CSMD1: variants seen among roughly 807,000 people sequenced by gnomAD.
CSMD1 encodes the protein CUB and Sushi multiple domains 1.
CSMD1 carries 213 observed loss-of-function variants against 417.5 expected under a neutral mutation model. The ratio of observed to expected loss-of-function variants is 0.51; its 90% CI spans 0.46 to 0.57. The LOEUF is 0.57. Among genes scored for constraint, CSMD1 ranks in the 20% least tolerant of loss-of-function variants. The pLI is 0.00. For synonymous variants in CSMD1, 2,862 were observed against 1,736.8 expected (o/e 1.65, Z -16.11); for missense variants, 6,923 against 4,529.7 (o/e 1.53, Z -15.17).
At chr8:3,800,683 G>C (rs763801378) in intron 5 of CSMD1, among the ~76,000 whole-genome samples, 2 of 152,170 alleles carry the variant, frequency 1.3e-5, no homozygotes, top group Non-Finnish European at 2.9e-5. Flanking sequence ...ATTCTCGTGG[G>C]AGTGAGTGAG....
At chr8:3,052,059 A>C (rs966156219) in intron 50 of CSMD1, among the ~76,000 whole-genome samples, 5 of 152,184 alleles carry the variant, frequency 3.3e-5, no homozygotes, top group Non-Finnish European at 4.4e-5. Flanking sequence ...GACTTCAAAG[A>C]ACTTAAAATT....
intron 5 of CSMD1, among the ~76,000 whole-genome samples, chr8:3,965,575 C>T (rs188246250): frequency 9.2e-5 from 14 of 151,978 alleles, no homozygotes; most frequent in African/African-American, 3.4e-4. Flanking sequence ...AATTCCAGGC[C>T]TTAGTGTTAA....
At chr8:4,378,764 G>A (rs1199260752) in intron 3 of CSMD1, among the ~76,000 whole-genome samples, 1 of 152,164 alleles carries the variant, frequency 6.6e-6, no homozygotes, top group Non-Finnish European at 1.5e-5. Context: ...TGAGAGCTCT[G>A]CTCTCATGAA....
At chr8:3,377,203 G>A (rs1043075786) in intron 18 of CSMD1, among the ~76,000 whole-genome samples, 2 of 152,076 alleles carry the variant, frequency 1.3e-5, no homozygotes, top group Non-Finnish European at 1.5e-5. Context: ...GTGGAAATGG[G>A]GTTTTACTGT....
At chr8:4,260,478 C>T (rs1803801059) in intron 3 of CSMD1, among the ~76,000 whole-genome samples, 1 of 152,086 alleles carries the variant, frequency 6.6e-6, no homozygotes, top group Middle Eastern at 3.4e-3. Context: ...ACATTGTTCA[C>T]CTGAAGTAAA....
chr8:4,911,898 T>G (rs907279778), intron 1 of CSMD1, among the ~76,000 whole-genome samples: 13 of 151,916 alleles, frequency 8.6e-5, no homozygotes, highest in African/African-American at 3.1e-4. Context: ...ATCAGAAAAA[T>G]TACTAGACAG....
In CSMD1 at chr8:4,187,676, C is replaced by CA. The variant is rs34858860; in HGVS notation, c.416-155578dup. On this transcript the variant is annotated intron_variant, in intron 3 of 69. Transcript: ENST00000635120. ...GGGCAACAAGAGTGAAACTCCGTCT[C>CA]AAAAAAAAAAAAAAAAAAGCATTCA... 4.2e-4 allele frequency among the ~76,000 whole-genome samples: 37 copies of CA among 88,516 alleles called. 6 individuals carry two copies. Among genetic ancestry groups the CA allele is most frequent in the African/African-American group, 1.0e-3 (23 of 22,288 alleles). 58.1% of individuals were successfully genotyped at this position (88,516 alleles called of 152,430 possible). A position where few individuals can be genotyped will look rare whatever the true frequency, so the allele number is the denominator to read the frequency against.
chr8:3,843,427 G>T (rs570162082), intron 5 of CSMD1, among the ~76,000 whole-genome samples: 1 of 152,064 alleles, frequency 6.6e-6, no homozygotes, highest in South Asian at 2.1e-4. Flanking sequence ...GTTGGTTTCA[G>T]AGTAATTAAG....
chr8:4,353,361 A>G (rs1225036576), intron 3 of CSMD1, among the ~76,000 whole-genome samples: 1 of 152,106 alleles, frequency 6.6e-6, no homozygotes, highest in East Asian at 1.9e-4. Context: ...GCCTTCCACC[A>G]TGATTGTGAG....
chr8:3,194,764 C>T (rs1050940200), intron 33 of CSMD1, among the ~76,000 whole-genome samples: 1 of 151,918 alleles, frequency 6.6e-6, no homozygotes, highest in Non-Finnish European at 1.5e-5. Flanking sequence ...GCCACCATGA[C>T]TGGCCTAATT....
intron 1 of CSMD1, among the ~76,000 whole-genome samples, chr8:4,920,193 C>G (rs998414562): frequency 6.6e-6 from 1 of 152,064 alleles, no homozygotes; most frequent in South Asian, 2.1e-4. Flanking sequence ...GAGTCTTATG[C>G]TAATGAACCA....
chr8:3,562,295 G>A (rs907041278), intron 10 of CSMD1, among the ~76,000 whole-genome samples: 1 of 135,864 alleles, frequency 7.4e-6, no homozygotes, highest in Admixed American at 7.2e-5. Context: ...GAGAGTTTTA[G>A]AATCTAGAAA....
rs146571732 is a variant in CSMD1, at chr8:3,891,560, G to C, written c.818+106343C>G. On this transcript the variant is annotated intron_variant, in intron 5 of 69. Coordinates refer to ENST00000635120, the MANE Select transcript of CSMD1 (RefSeq NM_033225.6). ...AAGCCAATAGTGGGGGTGTACACCT[G>C]TAGTCTCAACTAGTTGGGAGGCTGA... is the stretch of plus-strand genomic sequence containing the variant. Among the ~76,000 whole-genome samples the C allele has an allele frequency of 4.6e-3, 701 of 152,152 alleles. 17 individuals are homozygous for C. The highest frequency in any genetic ancestry group is 0.034 in the Admixed American group (527 of 15,280).
At chr8:3,299,471 T>G (rs1229176011) in intron 25 of CSMD1, among the ~76,000 whole-genome samples, 1 of 151,916 alleles carries the variant, frequency 6.6e-6, no homozygotes, top group African/African-American at 2.4e-5. Flanking sequence ...AGGAATGCAA[T>G]GTGGTATCAT....
At chr8:4,023,344 G>T (rs573002209) in intron 4 of CSMD1, among the ~76,000 whole-genome samples, 1 of 152,154 alleles carries the variant, frequency 6.6e-6, no homozygotes, top group Non-Finnish European at 1.5e-5. Flanking sequence ...CATTAATACT[G>T]TATTAATGAA....
At chr8:4,050,625 C>G (rs2740891) in intron 3 of CSMD1, among the ~76,000 whole-genome samples, 2 of 151,940 alleles carry the variant, frequency 1.3e-5, no homozygotes, top group Non-Finnish European at 2.9e-5. Context: ...AGTCATCCTG[C>G]GGTGCTATCA....
chr8:4,010,574 A>G (rs1425434923), intron 4 of CSMD1, among the ~76,000 whole-genome samples: 2 of 151,722 alleles, frequency 1.3e-5, no homozygotes, highest in Non-Finnish European at 2.9e-5. Context: ...ATCAGTTTCT[A>G]CAGCTGCAGT....
rs1412694574 is a variant in CSMD1 at position 3,372,224 on chromosome 8, G to A, written c.2783-2854C>T. Among the ~76,000 whole-genome samples the A allele has an allele frequency of 2.6e-5, 4 of 152,116 alleles. No homozygotes were observed. The East Asian group carries it at 5.8e-4, about 22-fold the overall frequency. On this transcript the variant is annotated intron_variant, in intron 18 of 69. Transcript: ENST00000635120. ...AGACAAAGGAAACAGTGAATACCTG[G>A]GGAACAATTTGGGTAGAGAGAAAGT... is the stretch of plus-strand genomic sequence containing the variant.
chr8:3,441,519 AC>A (rs2117063332), intron 12 of CSMD1, among the ~76,000 whole-genome samples: 1 of 151,456 alleles, frequency 6.6e-6, no homozygotes, highest in South Asian at 2.1e-4. Flanking sequence ...ATACACACAC[AC>A]ACACAAAATC....
Sources: allele counts gnomAD v4.1 joint callset (sites outside exome capture counted in the v4.1 genomes callset), GRCh38; gene constraint gnomAD v4.1.1; transcripts MANE v1.5; gene names NCBI Gene and HGNC (gene_info 2026-07-23, HGNC 2026-07-21).